Variants in NUP210L observed in about 807,000 individuals in gnomAD.
NUP210L encodes nucleoporin 210 like, also known as nuclear pore membrane glycoprotein 210-like.
A neutral mutation model predicts 208.5 loss-of-function variants in NUP210L; 74 were observed. The ratio of observed to expected loss-of-function variants is 0.35; its 90% confidence interval spans 0.29 to 0.43. NUP210L has a LOEUF of 0.43. Among genes scored for constraint, NUP210L ranks in the 20% least tolerant of loss-of-function variants. The pLI, the probability that NUP210L is intolerant of heterozygous loss-of-function variation, is 1.00. For missense variants in NUP210L, 1,843 were observed against 2,289.4 expected, an observed-to-expected ratio of 0.81 and a Z score of 3.98; for synonymous variants, 780 against 816.9, an observed-to-expected ratio of 0.95 and a Z score of 0.77.
At chr1:154,011,711 T>C (rs1158802810) in intron 34 of NUP210L, among the ~76,000 whole-genome samples, 12 of 128,982 alleles carry the variant, frequency 9.3e-5, no homozygotes, top group Middle Eastern at 4.5e-3. Context: ...TTTTTTGAGA[T>C]GGAGTCTCAC....
At chr1:154,013,998 C>T (rs997106882) in intron 33 of NUP210L, among the ~76,000 whole-genome samples, 2 of 152,090 alleles carry the variant, frequency 1.3e-5, no homozygotes, top group Non-Finnish European at 2.9e-5. Flanking sequence ...CTCCTGACCT[C>T]AAGGGATCCA....
intron 16 of NUP210L, 81 bp from the exon 17 acceptor site, chr1:154,070,546 A>G: frequency 2.1e-6 from 2 of 955,908 alleles, no homozygotes; most frequent in Non-Finnish European, 2.9e-6. Context: ...TAAAGCTAGG[A>G]ATCGAGTTTT....
chr1:154,076,102 CTTTTTTTT>C (rs60524355), intron 16 of NUP210L, among the ~76,000 whole-genome samples: 3 of 117,940 alleles, frequency 2.5e-5, no homozygotes, highest in Non-Finnish European at 3.4e-5. Flanking sequence ...ACAAAGACTT[CTTTTTTTT>C]TTTTTTTTTT....
chr1:154,011,673 T>C (rs1311611165), intron 34 of NUP210L, among the ~76,000 whole-genome samples: 1 of 146,358 alleles, frequency 6.8e-6, no homozygotes, highest in Non-Finnish European at 1.5e-5. Flanking sequence ...ACTAAAATTA[T>C]CTTAAGTTTT....
At chr1:154,028,442 C>G (rs546503768) in intron 28 of NUP210L, among the ~76,000 whole-genome samples, 105 of 151,942 alleles carry the variant, frequency 6.9e-4, no homozygotes, top group Non-Finnish European at 5.3e-4. Flanking sequence ...CAAAAAGTAG[C>G]CAGGCATGGT....
intron 10 of NUP210L, among the ~76,000 whole-genome samples, chr1:154,124,873 GC>G (rs1657803976): frequency 6.6e-6 from 1 of 152,130 alleles, no homozygotes; most frequent in Non-Finnish European, 1.5e-5. Context: ...GATCACTTGA[GC>G]CCAGGAGGTC....
chr1:154,144,264 G>A (rs1355010977), intron 2 of NUP210L, among the ~76,000 whole-genome samples: 4 of 152,102 alleles, frequency 2.6e-5, no homozygotes, highest in East Asian at 1.9e-4. Flanking sequence ...TTTATTCTAC[G>A]TCTTACTTTT....
chr1:154,132,004 T>A (rs1428401364), intron 7 of NUP210L, among the ~76,000 whole-genome samples: 2 of 152,054 alleles, frequency 1.3e-5, no homozygotes, highest in Non-Finnish European at 2.9e-5. Flanking sequence ...GAGATGGGGT[T>A]TCTCCATGTT....
chr1:154,047,699 A>G (rs1396296902), intron 25 of NUP210L, among the ~76,000 whole-genome samples: 1 of 152,224 alleles, frequency 6.6e-6, no homozygotes, highest in East Asian at 1.9e-4. Flanking sequence ...CTTGCTGTCA[A>G]TAAATATGTG....
intron 10 of NUP210L, among the ~76,000 whole-genome samples, chr1:154,125,509 C>G (rs1436718303): frequency 2.0e-5 from 3 of 150,404 alleles, no homozygotes; most frequent in Non-Finnish European, 4.4e-5. Context: ...GCAGTCCCAG[C>G]TACTTGGGGG....
At chr1:154,061,700 G>A (rs979652126) in intron 17 of NUP210L, 26 bp from the exon 18 acceptor site, 1 of 1,353,548 alleles carries the variant, frequency 7.4e-7, no homozygotes, top group African/African-American at 1.4e-5. Context: ...AAAATACCCT[G>A]TGAGAAACAA....
exon 7 of NUP210L, chr1:154,135,923 T>G (rs1290853968): frequency 6.2e-7 from 1 of 1,604,268 alleles, no homozygotes. Context: ...TAAGTGCAAC[T>G]CTATGGTCTT....
At chr1:154,028,819 G>A (rs1187114354) in intron 28 of NUP210L, among the ~76,000 whole-genome samples, 1 of 151,958 alleles carries the variant, frequency 6.6e-6, no homozygotes, top group Non-Finnish European at 1.5e-5. Context: ...AAGCAGCCGG[G>A]CGTGGTAGCT....
At chr1:154,071,251 C>G (rs1213394553) in intron 16 of NUP210L, among the ~76,000 whole-genome samples, 1 of 151,748 alleles carries the variant, frequency 6.6e-6, no homozygotes, top group Non-Finnish European at 1.5e-5. Context: ...TGCGTGCCAC[C>G]ACACCTGGAT....
intron 33 of NUP210L, among the ~76,000 whole-genome samples, chr1:154,014,389 C>G (rs1195062112): frequency 6.6e-6 from 1 of 152,138 alleles, no homozygotes; most frequent in Non-Finnish European, 1.5e-5. Context: ...CACTGTTTCT[C>G]TTTGCTTTTC....
intron 12 of NUP210L, among the ~76,000 whole-genome samples, chr1:154,108,049 T>G (rs1656857963): frequency 6.6e-6 from 1 of 151,992 alleles, no homozygotes; most frequent in Non-Finnish European, 1.5e-5. Flanking sequence ...GAAGAACCTA[T>G]AAAAAGGAAT....
intron 16 of NUP210L, among the ~76,000 whole-genome samples, chr1:154,088,389 T>C (rs1052128022): frequency 5.9e-5 from 9 of 152,006 alleles, no homozygotes; most frequent in Admixed American, 5.9e-4. Context: ...GAGAATCATG[T>C]CTGTAACTCA....
rs75593580 is a variant in NUP210L at position 154,136,990 on chromosome 1, A to G, written c.851-1018T>C. 7.4e-3 allele frequency among the ~76,000 whole-genome samples: 1,122 copies of G among 151,766 alleles called. 11 individuals carry two copies. Among genetic ancestry groups the G allele is most frequent in the African/African-American group, 0.026 (1,080 of 41,414 alleles). On this transcript the variant is annotated intron_variant, in intron 6 of 39. Coordinates refer to ENST00000368559, the Ensembl canonical transcript of NUP210L. ...CAGAATATTAAGCTTTCAGTCGATG[A>G]ATTGAGTTTCTCAAGAAACAACTTT...
rs571502125 is a variant in NUP210L, at chr1:154,139,225, T to C, written c.717+577A>G. On this transcript the variant is annotated intron_variant, in intron 5 of 39. Transcript: ENST00000368559. ...CCCAAAAAAGGAAGAAATTAGAAAC[T>C]GTAGTTTATTGGAGAAAGTGTATGT... Among the ~76,000 whole-genome samples the C allele has an allele frequency of 6.6e-5, 10 of 151,830 alleles. No individual in the cohort carries two copies. In the South Asian group the frequency reaches 2.1e-3, roughly 32 times the overall value.
Sources: gnomAD v4.1 joint callset for allele counts (sites outside exome capture counted in the v4.1 genomes callset) on GRCh38, gnomAD v4.1.1 for gene constraint, MANE v1.5 for transcripts, NCBI Gene and HGNC (gene_info 2026-07-23, HGNC 2026-07-21) for gene names.